The following NSD1 variants were observed in gnomAD, a reference collection of about 807,000 sequenced individuals.
NSD1 encodes nuclear receptor binding SET domain protein 1, also known as histone-lysine N-methyltransferase, H3 lysine-36 specific.
A neutral mutation model predicts 242.7 loss-of-function variants in NSD1; 26 were observed. That is an observed-to-expected ratio of 0.11 (90% CI 0.08 to 0.15). The LOEUF is 0.15. Ranked by LOEUF, NSD1 falls within the 10% of genes least tolerant of loss-of-function variation. NSD1 has a pLI of 1.00. For missense variants in NSD1, 2,495 were observed against 3,272.8 expected (o/e 0.76, Z 5.80); for synonymous variants, 1,106 against 1,178.1 (o/e 0.94, Z 1.25).
At chr5:177,136,606 CT>C (rs1174352886) in intron 2 of NSD1, among the ~76,000 whole-genome samples, 1,634 of 141,162 alleles carry the variant, frequency 0.012, 20 homozygotes, top group African/African-American at 0.031. Flanking sequence ...ACCATTAGCT[CT>C]TTTTTTTTTT....
intron 2 of NSD1, among the ~76,000 whole-genome samples, chr5:177,158,257 C>A (rs530878338): frequency 3.5e-4 from 33 of 93,246 alleles, no homozygotes; most frequent in African/African-American, 4.5e-4. Flanking sequence ...TTCTTTCTTT[C>A]TTTCTTTCTT....
rs927787025 is a variant in NSD1, at chr5:177,136,167, G to A, written c.927+137G>A. On this transcript the variant is annotated intron_variant, in intron 2 of 22. Coordinates refer to ENST00000439151, the MANE Select transcript of NSD1 (RefSeq NM_022455.5). ...AATCCTATTGCTAATCATAAGCTTT[G>A]GGCAAAATTTTACTTTGATTTTTAA... 9 of 739,568 alleles carry A rather than the reference G, an allele frequency of 1.2e-5. No individual in the cohort carries two copies. The East Asian group carries it at 2.5e-4, about 20-fold the overall frequency. The allele number at this position is 739,568 out of a possible 1,614,324, so 45.8% of individuals were successfully genotyped here.
chr5:177,265,168 A>C (rs1166093642), intron 14 of NSD1: 2 of 765,742 alleles, frequency 2.6e-6, no homozygotes, highest in South Asian at 1.3e-5. Context: ...CCACTCAGAG[A>C]AGCATACTTT....
At chr5:177,292,387 C>CA (rs1759911971) in intron 22 of NSD1, among the ~76,000 whole-genome samples, 1 of 152,186 alleles carries the variant, frequency 6.6e-6, no homozygotes, top group African/African-American at 2.4e-5. Flanking sequence ...CCTTTACTTA[C>CA]AGTCATGTTT....
intron 5 of NSD1, among the ~76,000 whole-genome samples, chr5:177,227,009 A>T (rs1764682730): frequency 1.3e-5 from 2 of 152,242 alleles, no homozygotes; most frequent in Admixed American, 1.3e-4. Context: ...TACTGAGTAA[A>T]TACTATTACA....
rs1485051074 is a variant in NSD1, at chr5:177,280,547, T to G, written c.5623-18T>G. 2.5e-6 allele frequency: 4 copies of G among 1,614,244 alleles called. No homozygotes were observed. Among genetic ancestry groups the G allele is most frequent in the Non-Finnish European group, 3.4e-6 (4 of 1,180,038 alleles). ...TGCTGACTTGTTTTATGCGGTGTAC[T>G]TTGTGTTACTTTTCCAGGTAAACCG... On this transcript the variant is annotated intron_variant, in intron 17 of 22. Transcript: ENST00000439151.
At chr5:177,174,647 C>G (rs907643008) in intron 2 of NSD1, among the ~76,000 whole-genome samples, 3 of 151,722 alleles carry the variant, frequency 2.0e-5, no homozygotes, top group African/African-American at 7.3e-5. Context: ...CAACCCCTGC[C>G]TCCTGGGTTC....
intron 19 of NSD1, 93 bp from the exon 20 acceptor site, chr5:177,283,694 T>C: frequency 5.6e-6 from 8 of 1,425,132 alleles, no homozygotes; most frequent in Non-Finnish European, 7.9e-6. Flanking sequence ...TCTTTACAAA[T>C]AGAAACTCCA....
At chr5:177,265,478 G>C (rs752403347) in intron 14 of NSD1, 40 of 632,944 alleles carry the variant, frequency 6.3e-5, no homozygotes, top group South Asian at 5.5e-4. Flanking sequence ...ACCTCCTCTG[G>C]GGGAGGGAGG....
At position 177,207,179 on chromosome 5, in the gene NSD1, C is replaced by T. The variant is rs543586649; in HGVS notation, c.1237-2457C>T. Among the ~76,000 whole-genome samples, 15 of 152,194 alleles carry T rather than the reference C, an allele frequency of 9.9e-5. No homozygotes were observed. In the South Asian group the frequency reaches 2.1e-3, roughly 21 times the overall value. Reference sequence around the variant, plus strand: ...CTCGACCTCCTAACCTAAGGTGACCCCCCGCCATCCCCCCGACCTTGGCCT... The same window carrying T: ...CTCGACCTCCTAACCTAAGGTGACCTCCCGCCATCCCCCCGACCTTGGCCT... On this transcript the variant is annotated intron_variant, in intron 4 of 22. Coordinates refer to ENST00000439151, the MANE Select transcript of NSD1 (RefSeq NM_022455.5).
intron 2 of NSD1, among the ~76,000 whole-genome samples, chr5:177,149,481 A>C (rs1186167505): frequency 6.6e-6 from 1 of 152,074 alleles, no homozygotes; most frequent in Non-Finnish European, 1.5e-5. Flanking sequence ...CGGCCTCCCA[A>C]AGTGCTGGGA....
At chr5:177,205,316 G>A (rs1762791947) in intron 4 of NSD1, among the ~76,000 whole-genome samples, 1 of 151,500 alleles carries the variant, frequency 6.6e-6, no homozygotes, top group Non-Finnish European at 1.5e-5. Context: ...GATTACAGGC[G>A]TGAGCCACTG....
chr5:177,264,028 AT>A lies in NSD1; in HGVS notation c.5147-3508del, dbSNP rs61538775. 2.7e-3 allele frequency among the ~76,000 whole-genome samples: 203 copies of A among 76,370 alleles called. 1 individual carries two copies. Among genetic ancestry groups the A allele is most frequent in the African/African-American group, 4.5e-3 (88 of 19,498 alleles). 50.1% of individuals were successfully genotyped at this position (76,370 alleles called of 152,430 possible). ...AAGATGCATATGACTCAATGAACCA[AT>A]TTTTTTTTTTTTTTTTTTTTTTTTT... On this transcript the variant is annotated intron_variant, in intron 14 of 22. Transcript: ENST00000439151.
intron 14 of NSD1, chr5:177,266,347 G>A (rs529683213): frequency 5.7e-6 from 4 of 707,112 alleles, no homozygotes; most frequent in African/African-American, 3.5e-5. Flanking sequence ...ACTCGATGCC[G>A]ATGACCTTGC....
chr5:177,287,253 CTTTCT>C (rs2127268096), intron 20 of NSD1, among the ~76,000 whole-genome samples: 1 of 152,368 alleles, frequency 6.6e-6, no homozygotes, highest in South Asian at 2.1e-4. Flanking sequence ...AAGTATCCTG[CTTTCT>C]TTTATTTGTG....
intron 2 of NSD1, among the ~76,000 whole-genome samples, chr5:177,165,507 A>G (rs927388961): frequency 6.6e-6 from 1 of 152,036 alleles, no homozygotes; most frequent in African/African-American, 2.4e-5. Context: ...AGAATTCCTT[A>G]TATATTTTGG....
rs745986696 is a variant in NSD1, at chr5:177,292,101, C to T, written c.6406C>T (p.Pro2136Ser). Reference sequence around the variant, plus strand: ...TGGCCAGCTCGTCTCCTGCAAGAAACCAGGCTGCCCAAAAGTTTACCACGC... The same window carrying T: ...TGGCCAGCTCGTCTCCTGCAAGAAATCAGGCTGCCCAAAAGTTTACCACGC... ...DAGQLVSCKK[P>S]GCPKVYHADC... Residue 2136 changes from proline (P) to serine (S), a missense_variant, in exon 22 of 23, where the codon CCA (proline) becomes TCA (serine). Coordinates refer to ENST00000439151, the MANE Select transcript of NSD1 (RefSeq NM_022455.5). The T allele has an allele frequency of 6.2e-7, 1 of 1,614,160 alleles. No individual in the cohort carries two copies. Among genetic ancestry groups the T allele is most frequent in the Non-Finnish European group, 8.5e-7 (1 of 1,180,032 alleles).
At position 177,288,935 on chromosome 5, in the gene NSD1, T is replaced by A; in HGVS notation, c.6258+10T>A. 1 of 1,593,390 alleles carries A rather than the reference T, an allele frequency of 6.3e-7. No homozygotes were observed. The highest frequency in any genetic ancestry group is 1.1e-5 in the South Asian group (1 of 90,676). On this transcript the variant is annotated intron_variant, in intron 21 of 22. Coordinates refer to ENST00000439151, the MANE Select transcript of NSD1 (RefSeq NM_022455.5). ...GGGTGTAAGGCCAAAGGTACCACCC[T>A]TCTAGACTTCTGCTTTGGGATTAGT...
At chr5:177,275,434 T>TA (rs1758294740) in intron 17 of NSD1, among the ~76,000 whole-genome samples, 1 of 112,682 alleles carries the variant, frequency 8.9e-6, no homozygotes, top group Non-Finnish European at 1.9e-5. Flanking sequence ...GCTTCCCTTG[T>TA]CTTTTTTTTT....
Sources: gnomAD v4.1 joint callset for allele counts (sites outside exome capture counted in the v4.1 genomes callset) on GRCh38, gnomAD v4.1.1 for gene constraint, MANE v1.5 for transcripts, NCBI Gene and HGNC (gene_info 2026-07-23, HGNC 2026-07-21) for gene names.